HS6ST2: variants seen among roughly 807,000 people sequenced by gnomAD.
HS6ST2 encodes the protein heparan-sulfate 6-O-sulfotransferase 2.
In HS6ST2, 17 loss-of-function variants were observed where a neutral mutation model predicts 33.0. The ratio of observed to expected loss-of-function variants is 0.52; its 90% CI spans 0.35 to 0.77. The LOEUF (loss-of-function observed/expected upper bound fraction) is 0.77, where lower values mean the gene tolerates loss of function less well. Among genes scored for constraint, HS6ST2 ranks in the 30% least tolerant of loss-of-function variants. The pLI is 0.01. For missense variants in HS6ST2, 519 were observed against 551.7 expected (o/e 0.94, Z 0.59); for synonymous variants, 248 against 237.1 (o/e 1.05, Z -0.42).
At chrX:132,680,204 A>G (rs774683520) in intron 3 of HS6ST2, among the ~76,000 whole-genome samples, 1 of 110,757 alleles carries the variant, frequency 9.0e-6, no homozygotes, top group African/African-American at 3.3e-5. Flanking sequence ...AAGAAATTAT[A>G]AAAGTATTAA....
chrX:132,881,788 A>C (rs2066177085), intron 2 of HS6ST2, among the ~76,000 whole-genome samples: 1 of 111,364 alleles, frequency 9.0e-6, no homozygotes, highest in South Asian at 3.8e-4. Flanking sequence ...ATCCATCTTG[A>C]ATTAATTTTT....
intron 2 of HS6ST2, among the ~76,000 whole-genome samples, chrX:132,776,335 A>G (rs1166577260): frequency 5.3e-5 from 6 of 112,198 alleles, no homozygotes; most frequent in Non-Finnish European, 1.1e-4. Context: ...TAATGTGAAG[A>G]ACAAGACAAT....
In HS6ST2 at chrX:132,941,538, G is replaced by C. The variant is rs185400299; in HGVS notation, c.947+15270C>G. 2.1e-3 allele frequency among the ~76,000 whole-genome samples: 241 copies of C among 112,352 alleles called. No individual in the cohort carries two copies. The South Asian group carries it at 0.029, about 13-fold the overall frequency. On this transcript the variant is annotated intron_variant, in intron 2 of 4. Coordinates refer to ENST00000370833, the MANE Select transcript of HS6ST2 (RefSeq NM_001394073.1). ...CACTTTAAATGGGTTCTCTCCTTAA[G>C]TGCATAAACCAAAAAGCATGGGAAC...
intron 4 of HS6ST2, among the ~76,000 whole-genome samples, chrX:132,661,536 A>G (rs1418676991): frequency 8.9e-6 from 1 of 111,955 alleles, no homozygotes; most frequent in East Asian, 2.8e-4. Context: ...CTGATGAGTG[A>G]AATTTAAAAA....
chrX:132,643,675 A>G (rs2063618917), intron 4 of HS6ST2, among the ~76,000 whole-genome samples: 1 of 111,483 alleles, frequency 9.0e-6, no homozygotes, highest in African/African-American at 3.3e-5. Context: ...ACTTTCCTGA[A>G]TATCACCCTT....
chrX:132,908,007 T>A (rs1449340905), intron 2 of HS6ST2, among the ~76,000 whole-genome samples: 3 of 111,972 alleles, frequency 2.7e-5, no homozygotes, highest in African/African-American at 6.5e-5. Flanking sequence ...TTTTTGCAAA[T>A]CCTGTCACTG....
chrX:132,926,946 CA>C (rs1402807408), intron 2 of HS6ST2, among the ~76,000 whole-genome samples: 1 of 110,281 alleles, frequency 9.1e-6, no homozygotes, highest in Non-Finnish European at 1.9e-5. Flanking sequence ...AACGAACAAA[CA>C]AAAAACCCTC....
chrX:132,903,076 C>T (rs921740043), intron 2 of HS6ST2, among the ~76,000 whole-genome samples: 6 of 111,472 alleles, frequency 5.4e-5, no homozygotes, highest in African/African-American at 2.0e-4. Flanking sequence ...TTTATTAGAA[C>T]TAATAAACAA....
At chrX:132,792,958 C>G (rs771463225) in intron 2 of HS6ST2, among the ~76,000 whole-genome samples, 6 of 108,711 alleles carry the variant, frequency 5.5e-5, no homozygotes, top group Non-Finnish European at 9.5e-5. Context: ...AGTGAGTTAC[C>G]ACTTAGCACC....
At chrX:132,875,197 T>C (rs2148434628) in intron 2 of HS6ST2, among the ~76,000 whole-genome samples, 1 of 112,072 alleles carries the variant, frequency 8.9e-6, no homozygotes, top group African/African-American at 3.2e-5. Context: ...GCAGGTGGCA[T>C]GTATTGCCAA....
chrX:132,944,507 A>G (rs1239394461), intron 2 of HS6ST2, among the ~76,000 whole-genome samples: 1 of 111,888 alleles, frequency 8.9e-6, no homozygotes, highest in Non-Finnish European at 1.9e-5. Context: ...AAACTACTTT[A>G]AAGTTCATAT....
chrX:132,689,479 C>T (rs959133882), intron 3 of HS6ST2, among the ~76,000 whole-genome samples: 2 of 111,621 alleles, frequency 1.8e-5, no homozygotes, highest in Non-Finnish European at 3.8e-5. Flanking sequence ...TTATATGAAG[C>T]TGGTTGTTAC....
chrX:132,882,959 C>A (rs1338448096), intron 2 of HS6ST2, among the ~76,000 whole-genome samples: 2 of 111,597 alleles, frequency 1.8e-5, no homozygotes, highest in African/African-American at 6.5e-5. Flanking sequence ...ACCAGCCTTG[C>A]ATACCAGGGA....
chrX:132,864,313 G>T (rs963918203), intron 2 of HS6ST2, among the ~76,000 whole-genome samples: 9 of 108,938 alleles, frequency 8.3e-5, no homozygotes, highest in Non-Finnish European at 1.7e-4. Context: ...TCAAGCTAAA[G>T]GAGCACATTC....
rs573896781 is a variant in HS6ST2, at chrX:132,875,160, G to A, written c.947+81648C>T. Among the ~76,000 whole-genome samples, 10 of 112,161 alleles carry A rather than the reference G, an allele frequency of 8.9e-5. No individual in the cohort carries two copies. The South Asian group carries it at 3.8e-3, about 42-fold the overall frequency. On this transcript the variant is annotated intron_variant, in intron 2 of 4. Coordinates refer to ENST00000370833, the MANE Select transcript of HS6ST2 (RefSeq NM_001394073.1). ...GACAGGAAACAGGTAGCTGGGGAAGGAGTTCAGATTGGAGACTATGGTTCC... is the reference window on the plus strand; with the variant it reads ...GACAGGAAACAGGTAGCTGGGGAAGAAGTTCAGATTGGAGACTATGGTTCC...
chrX:132,796,420 T>C (rs1011686914), intron 2 of HS6ST2, among the ~76,000 whole-genome samples: 3 of 112,496 alleles, frequency 2.7e-5, no homozygotes, highest in Non-Finnish European at 5.6e-5. Context: ...TCTAAGTACC[T>C]ACCATATGCT....
At chrX:132,896,691 T>C (rs2066379946) in intron 2 of HS6ST2, among the ~76,000 whole-genome samples, 1 of 111,617 alleles carries the variant, frequency 9.0e-6, no homozygotes, top group African/African-American at 3.3e-5. Flanking sequence ...ACATACCCCA[T>C]AAATACATAT....
chrX:132,868,953 A>G (rs1194633523), intron 2 of HS6ST2, among the ~76,000 whole-genome samples: 1 of 108,992 alleles, frequency 9.2e-6, no homozygotes, highest in East Asian at 2.9e-4. Flanking sequence ...AAGGAGATAG[A>G]GAGACGAAAA....
intron 2 of HS6ST2, among the ~76,000 whole-genome samples, chrX:132,766,249 T>A (rs1314220181): frequency 8.0e-5 from 9 of 112,670 alleles, no homozygotes; most frequent in African/African-American, 2.9e-4. Flanking sequence ...TCAAAATTAT[T>A]GGTAAATGAA....
Sources: gnomAD v4.1 joint callset for allele counts (sites outside exome capture counted in the v4.1 genomes callset) on GRCh38, gnomAD v4.1.1 for gene constraint, MANE v1.5 for transcripts, NCBI Gene and HGNC (gene_info 2026-07-23, HGNC 2026-07-21) for gene names.